The following PRKN variants were observed in gnomAD, a reference collection of about 807,000 sequenced individuals.
The protein encoded by PRKN is E3 ubiquitin-protein ligase parkin.
PRKN carries 56 observed loss-of-function variants against 59.5 expected under a neutral mutation model. The observed-to-expected ratio is 0.94, with a 90% confidence interval of 0.76 to 1.18. PRKN has a LOEUF of 1.18. PRKN is among the 50% of genes most tolerant of loss of function. PRKN has a pLI of 0.00. For synonymous variants in PRKN, 250 were observed against 222.1 expected (o/e 1.13, Z -1.12); for missense variants, 657 against 596.4 (o/e 1.10, Z -1.06).
intron 9 of PRKN, among the ~76,000 whole-genome samples, chr6:161,450,788 C>T (rs911421686): frequency 6.6e-6 from 1 of 152,190 alleles, no homozygotes; most frequent in Admixed American, 6.5e-5. Context: ...ACCTCCTGAC[C>T]TCGTGATCTG....
At chr6:161,747,346 G>C (rs1788475508) in intron 7 of PRKN, among the ~76,000 whole-genome samples, 1 of 151,432 alleles carries the variant, frequency 6.6e-6, no homozygotes, top group Non-Finnish European at 1.5e-5. Context: ...AAACTAAAGA[G>C]AAATTGTCCT....
intron 6 of PRKN, among the ~76,000 whole-genome samples, chr6:161,818,622 C>T (rs1052048891): frequency 3.3e-5 from 5 of 152,062 alleles, no homozygotes; most frequent in Admixed American, 1.3e-4. Context: ...TGTGAGCCAC[C>T]GTGCCCAGCC....
intron 8 of PRKN, among the ~76,000 whole-genome samples, chr6:161,564,669 A>C (rs1239155659): frequency 6.6e-6 from 1 of 152,070 alleles, no homozygotes; most frequent in Non-Finnish European, 1.5e-5. Flanking sequence ...TTTCCATTTC[A>C]ACCCATCAGC....
chr6:161,889,179 C>G (rs1352370124), intron 6 of PRKN, among the ~76,000 whole-genome samples: 2 of 152,072 alleles, frequency 1.3e-5, no homozygotes, highest in Non-Finnish European at 2.9e-5. Flanking sequence ...ACCACGAAGT[C>G]AGAGACGCAG....
At position 162,642,948 on chromosome 6, in the gene PRKN, T is replaced by C. The variant is rs187511525; in HGVS notation, c.7+84714A>G. On this transcript the variant is annotated intron_variant, in intron 1 of 11. Coordinates refer to ENST00000366898, the MANE Select transcript of PRKN (RefSeq NM_004562.3). ...TAAGACATAGTATGATTGAAGAATATAGGATATGGTGGATTGCGACATTTT... is the reference window on the plus strand; with the variant it reads ...TAAGACATAGTATGATTGAAGAATACAGGATATGGTGGATTGCGACATTTT... 6.6e-5 allele frequency among the ~76,000 whole-genome samples: 10 copies of C among 152,280 alleles called. No homozygotes were observed. In the East Asian group the frequency reaches 1.2e-3, roughly 18 times the overall value.
chr6:161,464,552 A>T lies in PRKN; in HGVS notation c.1084-77675T>A, dbSNP rs1790362145. Among the ~76,000 whole-genome samples, 2 of 152,130 alleles carry T rather than the reference A, an allele frequency of 1.3e-5. 1 individual carries two copies. The highest frequency in any genetic ancestry group is 4.1e-4 in the South Asian group (2 of 4,820). On this transcript the variant is annotated intron_variant, in intron 9 of 11. Transcript: ENST00000366898. Reference sequence around the variant, plus strand: ...TATTTTATAACCTTTCCATGTTCTGAAAAAGGTTTTCTCACGCCCATCTGC... The same window carrying T: ...TATTTTATAACCTTTCCATGTTCTGTAAAAGGTTTTCTCACGCCCATCTGC...
chr6:161,382,461 C>T (rs2114932051), intron 10 of PRKN, among the ~76,000 whole-genome samples: 2 of 152,284 alleles, frequency 1.3e-5, no homozygotes, highest in South Asian at 4.2e-4. Context: ...TTAGAGAGCA[C>T]CACTAAAAAT....
chr6:161,961,297 G>A (rs959270493), intron 6 of PRKN, among the ~76,000 whole-genome samples: 1 of 152,154 alleles, frequency 6.6e-6, no homozygotes, highest in Non-Finnish European at 1.5e-5. Context: ...GTCATTTCCA[G>A]GGTAATATGC....
intron 7 of PRKN, among the ~76,000 whole-genome samples, chr6:161,653,195 T>C (rs1250701627): frequency 2.0e-5 from 3 of 150,998 alleles, no homozygotes; most frequent in East Asian, 3.9e-4. Context: ...ACCCCGTCTC[T>C]ATTAAAAATA....
chr6:161,516,852 G>GA (rs1232501068), intron 9 of PRKN, among the ~76,000 whole-genome samples: 1 of 115,402 alleles, frequency 8.7e-6, no homozygotes, highest in East Asian at 2.7e-4. Flanking sequence ...AAAAAAGAAA[G>GA]AAAAAAGAAA....
At chr6:162,119,861 C>T (rs140729596) in intron 4 of PRKN, among the ~76,000 whole-genome samples, 34 of 152,286 alleles carry the variant, frequency 2.2e-4, no homozygotes, top group Non-Finnish European at 4.3e-4. Flanking sequence ...CTGACTTTCA[C>T]ACACAAGGCT....
chr6:161,680,767 A>ATTTTTT (rs1562604052), intron 7 of PRKN, among the ~76,000 whole-genome samples: 4 of 12,242 alleles, frequency 3.3e-4, no homozygotes, highest in Non-Finnish European at 5.2e-4. Flanking sequence ...ATATATATAT[A>ATTTTTT]TATATATATT....
Position 162,601,532 on chromosome 6 carries a change from C to T in PRKN, c.7+126130G>A, listed in dbSNP as rs937376968. Among the ~76,000 whole-genome samples the T allele has an allele frequency of 7.9e-5, 12 of 152,200 alleles. No homozygotes were observed. The East Asian group carries it at 1.2e-3, about 15-fold the overall frequency. On this transcript the variant is annotated intron_variant, in intron 1 of 11. Transcript: ENST00000366898. ...AAGTACTTCCGTGGACATATGTTTT[C>T]GTTTCTTTTAGGTTAGAGAGGGGCC...
chr6:162,387,311 T>C (rs1786883666), intron 2 of PRKN, among the ~76,000 whole-genome samples: 1 of 151,780 alleles, frequency 6.6e-6, no homozygotes, highest in Admixed American at 6.6e-5. Flanking sequence ...CTAAAGGTTA[T>C]TATTCTCAAC....
At chr6:161,952,180 G>C (rs999152471) in intron 6 of PRKN, among the ~76,000 whole-genome samples, 2 of 152,094 alleles carry the variant, frequency 1.3e-5, no homozygotes, top group Non-Finnish European at 2.9e-5. Context: ...GCCACCCTCT[G>C]TTCTGCTTGT....
chr6:162,309,133 A>C (rs930661935), intron 2 of PRKN, among the ~76,000 whole-genome samples: 1 of 152,052 alleles, frequency 6.6e-6, no homozygotes, highest in Non-Finnish European at 1.5e-5. Flanking sequence ...TTTTCCTCAG[A>C]GATTGTAGCA....
Position 162,218,487 on chromosome 6 carries a change from T to C in PRKN, c.413-17235A>G, listed in dbSNP as rs116029030. ...GGGCTGGAAACAGTGAGGCCTGTTC[T>C]GGAGTGCCTCTGTGCAAATCCACCT... On this transcript the variant is annotated intron_variant, in intron 3 of 11. Coordinates refer to ENST00000366898, the MANE Select transcript of PRKN (RefSeq NM_004562.3). 5.2e-3 allele frequency among the ~76,000 whole-genome samples: 792 copies of C among 152,312 alleles called. 12 individuals carry two copies. Among genetic ancestry groups the C allele is most frequent in the African/African-American group, 0.018 (767 of 41,566 alleles).
chr6:162,535,124 A>G (rs1412947385), intron 1 of PRKN, among the ~76,000 whole-genome samples: 1 of 152,010 alleles, frequency 6.6e-6, no homozygotes, highest in African/African-American at 2.4e-5. Flanking sequence ...CAAGATCTAT[A>G]TCTCACCAGA....
chr6:162,549,272 T>G (rs1455508540), intron 1 of PRKN, among the ~76,000 whole-genome samples: 1 of 152,102 alleles, frequency 6.6e-6, no homozygotes, highest in African/African-American at 2.4e-5. Context: ...CCTCCAGCAG[T>G]GTGAGAAATA....
Sources: allele counts gnomAD v4.1 joint callset (sites outside exome capture counted in the v4.1 genomes callset), GRCh38; gene constraint gnomAD v4.1.1; transcripts MANE v1.5; gene names NCBI Gene and HGNC (gene_info 2026-07-23, HGNC 2026-07-21).